The following GRTP1 variants were observed in gnomAD, a reference collection of about 807,000 sequenced individuals.
The protein encoded by GRTP1 is growth hormone-regulated TBC protein 1.
Under a neutral mutation model 38.1 loss-of-function variants are expected in GRTP1, and 56 were observed. The observed-to-expected ratio is 1.47, with a 90% CI of 1.19 to 1.84. The LOEUF is 1.84. Ranked by LOEUF, GRTP1 falls within the 40% of genes most tolerant of loss-of-function variation. The probability of loss-of-function intolerance (pLI) is 0.00; values close to 1 mark genes in which losing one functional copy is unlikely to be tolerated. For missense variants in GRTP1, 506 were observed against 453.9 expected, an observed-to-expected ratio of 1.11 and a Z score of -1.04; for synonymous variants, 217 against 189.5, an observed-to-expected ratio of 1.14 and a Z score of -1.19.
At chr13:113,352,656 G>A (rs1235943889) in intron 3 of GRTP1, among the ~76,000 whole-genome samples, 2 of 152,054 alleles carry the variant, frequency 1.3e-5, no homozygotes, top group Non-Finnish European at 2.9e-5. Context: ...GATTACAGGC[G>A]TGAGCCACCA....
At position 113,342,794 on chromosome 13, in the gene GRTP1, A is replaced by G. The variant is rs556152741; in HGVS notation, c.562+2069T>C. Among the ~76,000 whole-genome samples, 83 of 152,262 alleles carry G rather than the reference A, an allele frequency of 5.5e-4. No individual in the cohort carries two copies. The highest frequency in any genetic ancestry group is 1.9e-3 in the African/African-American group (81 of 41,554). Reference sequence around the variant, plus strand: ...AACCCCCTTTTCCTCCCATGATCCTAACAGTTTAGTTTTTGTACTTTCTTT... The same window carrying G: ...AACCCCCTTTTCCTCCCATGATCCTGACAGTTTAGTTTTTGTACTTTCTTT... On this transcript the variant is annotated intron_variant, in intron 5 of 7. Transcript: ENST00000375431. The surrounding 1 kb of genome is among the most constrained non-coding windows in gnomAD (Gnocchi z 4.5).
At chr13:113,325,575 C>T (rs2042747966) in intron 7 of GRTP1, 86 bp downstream of exon 7, 4 of 1,605,168 alleles carry the variant, frequency 2.5e-6, no homozygotes, top group African/African-American at 1.3e-5. Flanking sequence ...GTCCTGTGCA[C>T]CCTCCGGGTG....
chr13:113,339,913 A>G (rs560016313), intron 5 of GRTP1: 80 of 152,338 alleles, frequency 5.3e-4, no homozygotes, highest in African/African-American at 1.9e-3. Context: ...ACATACTTCT[A>G]TTCATCAGTG....
At chr13:113,334,614 A>G (rs1028730665) in intron 5 of GRTP1, among the ~76,000 whole-genome samples, 1 of 152,052 alleles carries the variant, frequency 6.6e-6, no homozygotes, top group African/African-American at 2.4e-5. Flanking sequence ...TTAAACAGAA[A>G]AAAAAAGCAC....
chr13:113,327,386 G>T (rs987844473), intron 5 of GRTP1, among the ~76,000 whole-genome samples: 3 of 152,166 alleles, frequency 2.0e-5, no homozygotes, highest in Non-Finnish European at 2.9e-5. Context: ...CACCATATTT[G>T]CCAGGCTGGT....
rs538610116 is a variant in GRTP1 at position 113,348,111 on chromosome 13, G to A, written c.465+2738C>T. ...AGTGCTACTGGACCTGGGAGAGGGC[G>A]ACCATGTGGACAGTGTGGACACATG... On this transcript the variant is annotated intron_variant, in intron 4 of 7. Transcript: ENST00000375431. The surrounding 1 kb of genome is among the most constrained non-coding windows in gnomAD (Gnocchi z 4.8). Among the ~76,000 whole-genome samples, 15 of 152,302 alleles carry A rather than the reference G, an allele frequency of 9.8e-5. No homozygotes were observed. The highest frequency in any genetic ancestry group is 2.9e-4 in the African/African-American group (12 of 41,564).
At chr13:113,346,071 C>CCTGACAGTGGACCCGGGAGGACCTCTGT (rs1566429006) in intron 4 of GRTP1, among the ~76,000 whole-genome samples, 1 of 8,932 alleles carries the variant, frequency 1.1e-4, no homozygotes, top group African/African-American at 3.8e-4. Context: ...AGGACCTCTG[C>CCTGACAGTGGACCCGGGAGGACCTCTGT]GGCTGAGCAG....
intron 5 of GRTP1, among the ~76,000 whole-genome samples, chr13:113,338,206 T>C (rs1347165052): frequency 2.0e-5 from 3 of 152,164 alleles, no homozygotes; most frequent in Non-Finnish European, 4.4e-5. Flanking sequence ...TCCTGCGTCC[T>C]TTCCATGCCT....
intron 5 of GRTP1, among the ~76,000 whole-genome samples, chr13:113,340,787 T>A (rs9604071): frequency 0.24 from 36,791 of 151,370 alleles, 6,223 homozygotes; most frequent in African/African-American, 0.48. Context: ...CTTGAAAAAA[T>A]TAAATAAATA....
chr13:113,363,992 G>T, intron 1 of GRTP1, 28 bp downstream of exon 1: 1 of 1,494,702 alleles, frequency 6.7e-7, no homozygotes, highest in Non-Finnish European at 8.9e-7. Flanking sequence ...CGCAGCCGCC[G>T]GGGACGCCCG....
At position 113,325,987 on chromosome 13, in the gene GRTP1, C is replaced by T. The variant is rs370852162; in HGVS notation, c.667G>A (p.Gly223Ser). Residue 223 changes from glycine (G) to serine (S), a missense_variant, in exon 6 of 8, where the codon GGT becomes AGT. Coordinates refer to ENST00000375431, the MANE Select transcript of GRTP1 (RefSeq NM_024719.4). ...GACACCAGCAGCGTCCACAGCACAC[C>T]GAGACGCTCCATCAGGGCCCCCACA... ...PAVGALMERL[G>S]VLWTLLVSRW... 1.0e-4 allele frequency: 168 copies of T among 1,613,804 alleles called. No homozygotes were observed. Among genetic ancestry groups the T allele is most frequent in the Non-Finnish European group, 1.3e-4 (152 of 1,179,976 alleles).
At chr13:113,327,632 T>C (rs950527958) in intron 5 of GRTP1, among the ~76,000 whole-genome samples, 2 of 152,226 alleles carry the variant, frequency 1.3e-5, no homozygotes, top group African/African-American at 4.8e-5. Flanking sequence ...CCAGAGCCAA[T>C]TCAGTGAGCA....
intron 2 of GRTP1, among the ~76,000 whole-genome samples, chr13:113,357,324 A>T (rs1202475185): frequency 2.0e-5 from 3 of 151,358 alleles, no homozygotes; most frequent in African/African-American, 7.3e-5. Context: ...TCACGTCTGT[A>T]GTCCTAGCTA....
chr13:113,345,260 ACC>A (rs1163403265), intron 4 of GRTP1, among the ~76,000 whole-genome samples: 1 of 152,280 alleles, frequency 6.6e-6, no homozygotes, highest in African/African-American at 2.4e-5. Context: ...AACATAACTT[ACC>A]ATTGCTTTCT....
At chr13:113,340,268 G>T (rs1650823365) in intron 5 of GRTP1, among the ~76,000 whole-genome samples, 1 of 152,048 alleles carries the variant, frequency 6.6e-6, no homozygotes, top group Non-Finnish European at 1.5e-5. Flanking sequence ...TTGAGGCCAG[G>T]TGTTCAAGGC....
At chr13:113,333,563 G>A (rs1437565699) in intron 5 of GRTP1, among the ~76,000 whole-genome samples, 1 of 152,088 alleles carries the variant, frequency 6.6e-6, no homozygotes, top group Non-Finnish European at 1.5e-5. Context: ...GGAGAGCAGT[G>A]GCGTGATCTC....
In GRTP1 at chr13:113,363,793, C is replaced by T. The variant is rs750764757; in HGVS notation, c.150G>A (p.Leu50=). The T allele has an allele frequency of 1.2e-6, 2 of 1,610,014 alleles. No individual in the cohort carries two copies. Among genetic ancestry groups the T allele is most frequent in the Non-Finnish European group, 1.7e-6 (2 of 1,179,118 alleles). The stretch of plus-strand genomic sequence containing the variant: ...GGCTCCTGGGGACGCCCCCGCCCTG[C>T]AGCAGCCGGGACCATTTGATCGCCC... ...TRRAIKWSRL[L]QGGGVPRSRT... Residue 50 remains leucine, a synonymous_variant, in exon 2 of 8, where the codon CTG becomes CTA. Coordinates refer to ENST00000375431, the MANE Select transcript of GRTP1 (RefSeq NM_024719.4).
intron 5 of GRTP1, among the ~76,000 whole-genome samples, chr13:113,335,798 T>A (rs2042946870): frequency 6.6e-6 from 1 of 152,114 alleles, no homozygotes; most frequent in Non-Finnish European, 1.5e-5. Flanking sequence ...GGGATTTTTT[T>A]TTTTTCTTTT....
At chr13:113,332,284 A>G (rs1403373284) in intron 5 of GRTP1, among the ~76,000 whole-genome samples, 12 of 148,098 alleles carry the variant, frequency 8.1e-5, no homozygotes, top group Non-Finnish European at 1.6e-4. Context: ...ACACACGTGC[A>G]CACACACACC....
Sources: allele counts gnomAD v4.1 joint callset (sites outside exome capture counted in the v4.1 genomes callset), GRCh38; gene constraint gnomAD v4.1.1; non-coding constraint Gnocchi (gnomAD v3.1); transcripts MANE v1.5; gene names NCBI Gene and HGNC (gene_info 2026-07-23, HGNC 2026-07-21).